Variants in SLC9A2 observed in about 807,000 individuals in gnomAD.
The protein encoded by SLC9A2 is solute carrier family 9 member A2.
SLC9A2 carries 42 observed loss-of-function variants against 71.7 expected under a neutral mutation model. That is an observed-to-expected ratio of 0.59 (90% CI 0.46 to 0.76). SLC9A2 has a LOEUF of 0.76. SLC9A2 is among the 30% of genes least tolerant of loss of function. The probability of loss-of-function intolerance (pLI) is 0.00; values close to 1 mark genes in which losing one functional copy is unlikely to be tolerated. For synonymous variants in SLC9A2, 396 were observed against 392.5 expected, an observed-to-expected ratio of 1.01 and a Z score of -0.10; for missense variants, 829 against 1,017.4, an observed-to-expected ratio of 0.81 and a Z score of 2.52.
At chr2:102,628,617 G>C (rs1191162960) in intron 1 of SLC9A2, among the ~76,000 whole-genome samples, 1 of 151,830 alleles carries the variant, frequency 6.6e-6, no homozygotes, top group Non-Finnish European at 1.5e-5. Context: ...CTCAGCTCTC[G>C]GTATTTTTAA....
At chr2:102,686,347 G>C (rs549330565) in intron 5 of SLC9A2, 5 of 152,340 alleles carry the variant, frequency 3.3e-5, no homozygotes, top group Admixed American at 3.3e-4. Context: ...GTCCAGGAGA[G>C]AGCCTGGTGT....
rs1330598736 is a variant in SLC9A2 at position 102,676,636 on chromosome 2, T to C, written c.1005-6625T>C. 1.1e-4 allele frequency among the ~76,000 whole-genome samples: 16 copies of C among 152,228 alleles called. 1 individual carries two copies. The highest frequency in any genetic ancestry group is 1.0e-3 in the Admixed American group (16 of 15,286). ...CAATTGTTGTTTGCATTTTCTCATATGTCAAACTCTGTTTCTCTTGGTTGT... is the reference window on the plus strand; with the variant it reads ...CAATTGTTGTTTGCATTTTCTCATACGTCAAACTCTGTTTCTCTTGGTTGT... On this transcript the variant is annotated intron_variant, in intron 3 of 11. Coordinates refer to ENST00000233969, the MANE Select transcript of SLC9A2 (RefSeq NM_003048.6).
At chr2:102,671,507 A>C (rs12052753) in intron 3 of SLC9A2, among the ~76,000 whole-genome samples, 24,682 of 152,184 alleles carry the variant, frequency 0.16, 2,463 homozygotes, top group East Asian at 0.38. Context: ...TTTCTTTTCT[A>C]TTGTATAACT....
intron 3 of SLC9A2, among the ~76,000 whole-genome samples, chr2:102,669,071 T>C (rs1346527525): frequency 6.6e-6 from 1 of 152,220 alleles, no homozygotes; most frequent in East Asian, 1.9e-4. Context: ...TTTGGAAAGA[T>C]GATGGAAGCA....
In SLC9A2 at chr2:102,708,209, C is replaced by T; in HGVS notation, c.2159C>T (p.Ser720Phe). ...AGGCGCTTCTTGCCAGAACAGTTCTCCAAGAAATCCCCCCAGTCCTATAAA... is the reference window on the plus strand; with the variant it reads ...AGGCGCTTCTTGCCAGAACAGTTCTTCAAGAAATCCCCCCAGTCCTATAAA... ...RARRFLPEQF[S>F]KKSPQSYKME... Residue 720 changes from serine to phenylalanine, a missense_variant, in exon 12 of 12, where the codon TCC (serine) becomes TTC (phenylalanine). Ser to Phe is a radical substitution (Grantham distance 155). Around this residue, in one of 3 missense-constraint regions of SLC9A2, gnomAD observed 223 missense variants for 197.5 expected, o/e 1.13. Transcript: ENST00000233969. The T allele has an allele frequency of 6.2e-7, 1 of 1,614,136 alleles. No individual in the cohort carries two copies.
In SLC9A2 at chr2:102,690,732, G is replaced by C. The variant is rs371484747; in HGVS notation, c.1426-3682G>C. ...CCTATCCCATTCTAAGATAAACACT[G>C]TTTGCACAACTGCATTTATGATCTC... On this transcript the variant is annotated intron_variant, in intron 5 of 11. Coordinates refer to ENST00000233969, the MANE Select transcript of SLC9A2 (RefSeq NM_003048.6). Among the ~76,000 whole-genome samples the C allele has an allele frequency of 4.6e-5, 7 of 152,234 alleles. No individual in the cohort carries two copies. In the East Asian group the frequency reaches 1.4e-3, roughly 29 times the overall value.
At chr2:102,657,476 C>A in intron 1 of SLC9A2, 88 bp from the exon 2 acceptor site, 3 of 782,418 alleles carry the variant, frequency 3.8e-6, no homozygotes, top group Non-Finnish European at 6.1e-6. Context: ...TGAAACAGGA[C>A]CCACTGGTTC....
At chr2:102,644,489 G>A (rs1271981846) in intron 1 of SLC9A2, among the ~76,000 whole-genome samples, 2 of 152,158 alleles carry the variant, frequency 1.3e-5, no homozygotes, top group Non-Finnish European at 2.9e-5. Context: ...TGGAAAGGGG[G>A]CTGAAGCTAG....
rs759670997 is a variant in SLC9A2, at chr2:102,708,267, T to C, written c.2217T>C (p.Ser739=). The change falls in exon 12 of 12, where the codon TCT becomes TCC. Residue 739 remains serine, a synonymous_variant. Coordinates refer to ENST00000233969, the MANE Select transcript of SLC9A2 (RefSeq NM_003048.6). ...MEWKNEVDVD[S]GRDMPSTPPT... ...GGAAGAATGAGGTAGATGTTGATTC[T>C]GGCCGAGATATGCCCAGCACCCCCC... 1 of 1,614,172 alleles carries C rather than the reference T, an allele frequency of 6.2e-7. No individual in the cohort carries two copies. Among genetic ancestry groups the C allele is most frequent in the Admixed American group, 1.7e-5 (1 of 60,026 alleles).
intron 1 of SLC9A2, among the ~76,000 whole-genome samples, chr2:102,634,553 A>G (rs895097362): frequency 3.3e-5 from 5 of 152,316 alleles, no homozygotes; most frequent in African/African-American, 9.6e-5. Flanking sequence ...TCTCCAATGT[A>G]TAATAGTATC....
rs541450881 is a variant in SLC9A2 at position 102,620,037 on chromosome 2, C to T, written c.189C>T (p.Phe63=). The T allele has an allele frequency of 3.7e-6, 6 of 1,613,922 alleles. No individual in the cohort carries two copies. Among genetic ancestry groups the T allele is most frequent in the Non-Finnish European group, 4.2e-6 (5 of 1,180,012 alleles). The change falls in exon 1 of 12, where the codon TTC becomes TTT. Residue 63 remains phenylalanine (F), a synonymous_variant. Transcript: ENST00000233969. ...ASVVAPGTTL[F]EESRLPVFTL... is the part of the protein sequence containing the mutation. The stretch of plus-strand genomic sequence containing the variant: ...TGGTGGCTCCCGGAACGACGCTGTT[C>T]GAGGAGAGCCGGCTGCCTGTGTTTA...
intron 1 of SLC9A2, among the ~76,000 whole-genome samples, chr2:102,646,028 A>G (rs974279452): frequency 6.6e-6 from 1 of 152,232 alleles, no homozygotes; most frequent in African/African-American, 2.4e-5. Flanking sequence ...GAAATGAAAG[A>G]AAAAATATTA....
chr2:102,708,000 C>G, intron 11 of SLC9A2, 119 bp from the exon 12 acceptor site: 1 of 1,088,902 alleles, frequency 9.2e-7, no homozygotes, highest in South Asian at 1.5e-5. Flanking sequence ...AGCCTGCTAG[C>G]CTCCCCTCTC....
intron 7 of SLC9A2, among the ~76,000 whole-genome samples, chr2:102,696,164 G>A (rs1463107984): frequency 6.6e-6 from 1 of 152,066 alleles, no homozygotes; most frequent in Admixed American, 6.6e-5. Flanking sequence ...ACTGTCCAGA[G>A]TGGTTGCTTG....
At chr2:102,670,046 T>TG (rs1486954120) in intron 3 of SLC9A2, among the ~76,000 whole-genome samples, 8 of 150,968 alleles carry the variant, frequency 5.3e-5, no homozygotes, top group Non-Finnish European at 7.4e-5. Context: ...TTTTTATTTT[T>TG]TTTGAGACAG....
At chr2:102,674,202 T>C (rs1309217237) in intron 3 of SLC9A2, among the ~76,000 whole-genome samples, 2 of 152,196 alleles carry the variant, frequency 1.3e-5, no homozygotes, top group Non-Finnish European at 2.9e-5. Context: ...TAAGTCAGTG[T>C]TTCAGCCCCT....
intron 3 of SLC9A2, among the ~76,000 whole-genome samples, chr2:102,678,281 T>G (rs1402950312): frequency 2.0e-5 from 3 of 151,520 alleles, no homozygotes; most frequent in Non-Finnish European, 4.4e-5. Flanking sequence ...AAATGTTGGT[T>G]GATGTTAAAT....
intron 3 of SLC9A2, among the ~76,000 whole-genome samples, chr2:102,670,041 A>AG (rs113872266): frequency 1.3e-5 from 2 of 149,862 alleles, no homozygotes; most frequent in South Asian, 4.2e-4. Flanking sequence ...TTTATTTTTT[A>AG]TTTTTTTTGA....
chr2:102,705,656 C>G (rs1677961337), intron 10 of SLC9A2, among the ~76,000 whole-genome samples, 190 bp from the exon 11 acceptor site: 2 of 152,108 alleles, frequency 1.3e-5, no homozygotes. Flanking sequence ...TTGTAGAGAT[C>G]TCCATTCCAT....
Sources: allele counts gnomAD v4.1 joint callset (sites outside exome capture counted in the v4.1 genomes callset), GRCh38; gene constraint gnomAD v4.1.1; regional missense constraint gnomAD v4.1.1; transcripts MANE v1.5; gene names NCBI Gene and HGNC (gene_info 2026-07-23, HGNC 2026-07-21).